Variants in ANTXR1 observed in about 807,000 individuals in gnomAD.
The protein encoded by ANTXR1 is ANTXR cell adhesion molecule 1.
A neutral mutation model predicts 78.1 loss-of-function variants in ANTXR1; 19 were observed. That is an observed-to-expected ratio of 0.24 (90% CI 0.17 to 0.36). The LOEUF (loss-of-function observed/expected upper bound fraction) is 0.36. ANTXR1 is among the 10% of genes least tolerant of loss of function. The probability of loss-of-function intolerance (pLI) is 1.00; values close to 1 mark genes in which losing one functional copy is unlikely to be tolerated. For missense variants in ANTXR1, 518 were observed against 718.6 expected (o/e 0.72, Z 3.19); for synonymous variants, 273 against 260.5 (o/e 1.05, Z -0.46).
intron 17 of ANTXR1, among the ~76,000 whole-genome samples, chr2:69,219,491 T>C (rs77561570): frequency 0.047 from 7,143 of 151,930 alleles, 721 homozygotes; most frequent in East Asian, 0.37. Flanking sequence ...TGTTCTTTTA[T>C]GCATTCACCA....
chr2:69,220,317 A>C (rs1024381931), intron 17 of ANTXR1, among the ~76,000 whole-genome samples: 4 of 152,214 alleles, frequency 2.6e-5, no homozygotes, highest in African/African-American at 9.7e-5. Context: ...AGGCTCTTCT[A>C]GACTTTGAGT....
At chr2:69,139,491 A>G (rs1673010050) in intron 12 of ANTXR1, among the ~76,000 whole-genome samples, 1 of 152,222 alleles carries the variant, frequency 6.6e-6, no homozygotes, top group African/African-American at 2.4e-5. Flanking sequence ...CATGCATTAG[A>G]AACTCAATGG....
chr2:69,061,470 T>G (rs907431492), intron 3 of ANTXR1, among the ~76,000 whole-genome samples: 1 of 151,438 alleles, frequency 6.6e-6, no homozygotes, highest in Non-Finnish European at 1.5e-5. Flanking sequence ...TAAAATGATA[T>G]TTGAGAGTCT....
chr2:69,213,311 C>A, intron 17 of ANTXR1, among the ~76,000 whole-genome samples: 1 of 152,194 alleles, frequency 6.6e-6, no homozygotes, highest in East Asian at 1.9e-4. Context: ...TGAAGCGCTG[C>A]TTCTCATGGC....
At chr2:69,188,446 G>A (rs1322832438) in intron 16 of ANTXR1, among the ~76,000 whole-genome samples, 1 of 152,204 alleles carries the variant, frequency 6.6e-6, no homozygotes, top group Non-Finnish European at 1.5e-5. Flanking sequence ...TCCCAGCACA[G>A]TCTTATTGCT....
chr2:69,123,292 A>C (rs1006099205), intron 11 of ANTXR1, among the ~76,000 whole-genome samples: 1 of 152,176 alleles, frequency 6.6e-6, no homozygotes, highest in African/African-American at 2.4e-5. Context: ...GTTCCCCATT[A>C]ACTAGGTATT....
intron 1 of ANTXR1, among the ~76,000 whole-genome samples, chr2:69,023,312 G>A (rs1485881119): frequency 6.6e-6 from 1 of 151,894 alleles, no homozygotes; most frequent in African/African-American, 2.4e-5. Context: ...AAAGATGATG[G>A]TGATGGTAGT....
At chr2:69,026,730 C>T (rs562054938) in intron 1 of ANTXR1, among the ~76,000 whole-genome samples, 10 of 152,252 alleles carry the variant, frequency 6.6e-5, no homozygotes, top group Non-Finnish European at 1.3e-4. Context: ...AGCTGAGGGG[C>T]TTAATGGGAG....
At chr2:69,125,298 T>C (rs1672497240) in intron 12 of ANTXR1, among the ~76,000 whole-genome samples, 1 of 152,158 alleles carries the variant, frequency 6.6e-6, no homozygotes, top group Admixed American at 6.5e-5. Context: ...TAGTTTTCAT[T>C]CCTGGCTATA....
chr2:69,242,995 G>T (rs1256737036), intron 17 of ANTXR1, among the ~76,000 whole-genome samples: 1 of 152,178 alleles, frequency 6.6e-6, no homozygotes, highest in Non-Finnish European at 1.5e-5. Context: ...TTCTGCAGTG[G>T]GTGGAACCCC....
chr2:69,084,591 GTTT>G (rs10708895), intron 8 of ANTXR1, among the ~76,000 whole-genome samples: 134 of 109,126 alleles, frequency 1.2e-3, no homozygotes, highest in Admixed American at 3.7e-3. Flanking sequence ...TATTTGTAAA[GTTT>G]TTTTTTTTTT....
At position 69,208,248 on chromosome 2, in the gene ANTXR1, C is replaced by G. The variant is rs570625725; in HGVS notation, c.1434+14833C>G. Among the ~76,000 whole-genome samples, 19 of 152,308 alleles carry G rather than the reference C, an allele frequency of 1.2e-4. No homozygotes were observed. The South Asian group carries it at 3.9e-3, about 32-fold the overall frequency. On this transcript the variant is annotated intron_variant, in intron 17 of 17. Coordinates refer to ENST00000303714, the MANE Select transcript of ANTXR1 (RefSeq NM_032208.3). ...CTGCTGCTGTCAGTGGGATTACAAA[C>G]TGACTCACATTTTTAAAAATTGTGG...
rs1676077501 is a variant in ANTXR1, at chr2:69,248,910, G to C, written c.*3425G>C. The C allele has an allele frequency of 6.6e-6, 1 of 152,138 alleles. No individual in the cohort carries two copies. Among genetic ancestry groups the C allele is most frequent in the Non-Finnish European group, 1.5e-5 (1 of 68,028 alleles). 9.4% of individuals were successfully genotyped at this position (152,138 alleles called of 1,614,324 possible). On this transcript the variant is annotated 3_prime_UTR_variant, in exon 18 of 18. Coordinates refer to ENST00000303714, the MANE Select transcript of ANTXR1 (RefSeq NM_032208.3). ...AACCAATTGCCTTTTCTTGTTATCT[G>C]AGCTCTCCTATATTATCATACTCAG...
chr2:69,143,209 G>C (rs1479986742), intron 12 of ANTXR1, among the ~76,000 whole-genome samples: 1 of 152,170 alleles, frequency 6.6e-6, no homozygotes, highest in East Asian at 1.9e-4. Flanking sequence ...AATAATCCAG[G>C]AAAGAAAGAA....
intron 3 of ANTXR1, among the ~76,000 whole-genome samples, chr2:69,048,476 C>A (rs1175905376): frequency 6.6e-6 from 1 of 152,092 alleles, no homozygotes; most frequent in East Asian, 1.9e-4. Context: ...TACTACCTTT[C>A]TTTACAGTAC....
At chr2:69,052,251 A>C (rs1447464201) in intron 3 of ANTXR1, among the ~76,000 whole-genome samples, 1 of 152,034 alleles carries the variant, frequency 6.6e-6, no homozygotes, top group Admixed American at 6.6e-5. Context: ...TTAAGTTTTA[A>C]TTATATATTT....
At chr2:69,152,051 T>C (rs1673412880) in intron 12 of ANTXR1, 118 bp from the exon 13 acceptor site, 4 of 1,031,644 alleles carry the variant, frequency 3.9e-6, no homozygotes, top group South Asian at 1.3e-5. Flanking sequence ...AACCATTTGC[T>C]TGGCAAACTG....
At chr2:69,146,449 C>A in intron 12 of ANTXR1, 3 of 889,054 alleles carry the variant, frequency 3.4e-6, no homozygotes, top group Non-Finnish European at 4.0e-6. Context: ...TGGTAAGACT[C>A]CACGTGTGGC....
intron 13 of ANTXR1, among the ~76,000 whole-genome samples, chr2:69,163,313 T>TAAAAA (rs74748062): frequency 4.7e-5 from 7 of 149,496 alleles, no homozygotes; most frequent in African/African-American, 1.7e-4. Context: ...TCTTTTCATG[T>TAAAAA]AAAAAAAAAA....
Sources: gnomAD v4.1 joint callset for allele counts (sites outside exome capture counted in the v4.1 genomes callset) on GRCh38, gnomAD v4.1.1 for gene constraint, MANE v1.5 for transcripts, NCBI Gene and HGNC (gene_info 2026-07-23, HGNC 2026-07-21) for gene names.